Variants in LIFR observed in about 807,000 individuals in gnomAD.
The protein encoded by LIFR is leukemia inhibitory factor receptor.
In LIFR, 84 loss-of-function variants were observed where a neutral mutation model predicts 122.2. That is an observed-to-expected ratio of 0.69 (90% CI 0.58 to 0.82). The LOEUF (loss-of-function observed/expected upper bound fraction) is 0.82, where lower values mean the gene tolerates loss of function less well. LIFR is among the 40% of genes least tolerant of loss of function. The pLI is 0.00. For synonymous variants in LIFR, 422 were observed against 434.7 expected (o/e 0.97, Z 0.36); for missense variants, 1,294 against 1,311.6 (o/e 0.99, Z 0.21).
chr5:38,529,756 T>A (rs1746900472), intron 2 of LIFR, among the ~76,000 whole-genome samples: 1 of 152,174 alleles, frequency 6.6e-6, no homozygotes. Context: ...TGTTTTTGTT[T>A]TTGTACATGG....
At chr5:38,540,801 C>A (rs2112609169) in intron 1 of LIFR, among the ~76,000 whole-genome samples, 1 of 151,854 alleles carries the variant, frequency 6.6e-6, no homozygotes, top group East Asian at 1.9e-4. Flanking sequence ...ACTATGTGGG[C>A]CAAACAAAAT....
Position 38,500,182 on chromosome 5 carries a change from C to T in LIFR, c.1601-599G>A, listed in dbSNP as rs138376126. ...CTGTGTCTTTGTGTTTGTGTGTGTACATACATACATATAGATGTGTATATA... is the reference window on the plus strand; with the variant it reads ...CTGTGTCTTTGTGTTTGTGTGTGTATATACATACATATAGATGTGTATATA... On this transcript the variant is annotated intron_variant, in intron 11 of 19. Coordinates refer to ENST00000453190, the MANE Select transcript of LIFR (RefSeq NM_001127671.2). Among the ~76,000 whole-genome samples the T allele has an allele frequency of 7.1e-4, 108 of 152,192 alleles. 1 individual carries two copies. The East Asian group carries it at 0.02, about 28-fold the overall frequency.
At chr5:38,579,711 C>CA (rs2112736851) in intron 1 of LIFR, 1 of 152,264 alleles carries the variant, frequency 6.6e-6, no homozygotes, top group Admixed American at 6.5e-5. Context: ...CAAAATACTG[C>CA]AACACTTTCT....
At chr5:38,563,879 C>A in intron 1 of LIFR, among the ~76,000 whole-genome samples, 1 of 152,166 alleles carries the variant, frequency 6.6e-6, no homozygotes, top group Admixed American at 6.5e-5. Flanking sequence ...GGCCACTGAA[C>A]CTTCTCCTGC....
At chr5:38,582,047 CT>C (rs1381299232) in intron 1 of LIFR, among the ~76,000 whole-genome samples, 16 of 146,442 alleles carry the variant, frequency 1.1e-4, no homozygotes, top group South Asian at 2.3e-4. Context: ...ATGACCACTT[CT>C]TTTTTTTTCC....
Position 38,479,463 on chromosome 5 carries a change from A to T in LIFR, c.*2132T>A, listed in dbSNP as rs1743875139. ...TAACCAAACAAATGAGTCGTTATAT[A>T]GGTTAGAAAGGGCCCTGGATCCAGA... On this transcript the variant is annotated 3_prime_UTR_variant, in exon 20 of 20. Coordinates refer to ENST00000453190, the MANE Select transcript of LIFR (RefSeq NM_001127671.2). 4.3e-6 allele frequency: 1 copy of T among 230,698 alleles called. No homozygotes were observed. The highest frequency in any genetic ancestry group is 8.6e-6 in the Non-Finnish European group (1 of 116,528). 14.3% of individuals were successfully genotyped at this position (230,698 alleles called of 1,614,324 possible).
chr5:38,593,512 T>G (rs1399013724), intron 1 of LIFR, among the ~76,000 whole-genome samples: 1 of 152,142 alleles, frequency 6.6e-6, no homozygotes, highest in Admixed American at 6.5e-5. Context: ...GTGTAGAATA[T>G]TCTCATCATT....
upstream of LIFR, among the ~76,000 whole-genome samples, chr5:38,598,278 G>A (rs1453163686): frequency 7.9e-5 from 9 of 114,630 alleles, no homozygotes; most frequent in African/African-American, 2.7e-4. Flanking sequence ...AGGGAGTCTC[G>A]CTGTGTCGCC....
At position 38,489,204 on chromosome 5, in the gene LIFR, C is replaced by T. The variant is rs912734748; in HGVS notation, c.2209G>A (p.Ala737Thr). Residue 737 changes from alanine to threonine, a missense_variant, in exon 16 of 20, where the codon GCA becomes ACA. By Grantham distance (58) the Ala-to-Thr change is moderately conservative. Coordinates refer to ENST00000453190, the MANE Select transcript of LIFR (RefSeq NM_001127671.2). Reference sequence around the variant, plus strand: ...TCCCATTTTACTAATATCGAATCTGCAGAAGTATCCTCAACAGTAAAATTT... The same window carrying T: ...TCCCATTTTACTAATATCGAATCTGTAGAAGTATCCTCAACAGTAAAATTT... ...APNFTVEDTS[A>T]DSILVKWEDI... 6.2e-7 allele frequency: 1 copy of T among 1,613,154 alleles called. No homozygotes were observed.
At chr5:38,509,452 C>T (rs1745673826) in intron 7 of LIFR, among the ~76,000 whole-genome samples, 1 of 152,042 alleles carries the variant, frequency 6.6e-6, no homozygotes, top group Admixed American at 6.6e-5. Flanking sequence ...GAGACGAGCA[C>T]CTAAACCCGG....
rs1360162328 is a variant in LIFR at position 38,479,807 on chromosome 5, T to C, written c.*1788A>G. Reference sequence around the variant, plus strand: ...AAGACAAGAGAACACTCTTTAGGGATGGCTCTGATTGGATATATTTTTCAT... The same window carrying C: ...AAGACAAGAGAACACTCTTTAGGGACGGCTCTGATTGGATATATTTTTCAT... On this transcript the variant is annotated 3_prime_UTR_variant, in exon 20 of 20. Transcript: ENST00000453190. The C allele has an allele frequency of 5.2e-5, 12 of 229,998 alleles. No individual in the cohort carries two copies. The highest frequency in any genetic ancestry group is 7.8e-5 in the Non-Finnish European group (9 of 116,098). 14.2% of individuals were successfully genotyped at this position (229,998 alleles called of 1,614,324 possible). A position where few individuals can be genotyped will look rare whatever the true frequency, so the allele number is the denominator to read the frequency against.
rs73077453 is a variant in LIFR, at chr5:38,484,758, A to G, written c.2591+17T>C. 8.2e-4 allele frequency: 1,263 copies of G among 1,535,674 alleles called. 9 individuals carry two copies. In the African/African-American group the frequency reaches 0.015, roughly 19 times the overall value. On this transcript the variant is annotated intron_variant, in intron 18 of 19. Transcript: ENST00000453190. The stretch of plus-strand genomic sequence containing the variant: ...CCTTTAAGAAGAAAACAGCAAGAGT[A>G]AATGCAGAACTATTACCATTCTCGT...
chr5:38,594,680 A>G (rs1322805735), intron 1 of LIFR, among the ~76,000 whole-genome samples: 6 of 152,208 alleles, frequency 3.9e-5, no homozygotes. Context: ...ATTTCTCATA[A>G]AATATTTTCA....
Position 38,510,486 on chromosome 5 carries a change from A to G in LIFR, c.969T>C (p.Phe323=), listed in dbSNP as rs938322951. The change falls in exon 7 of 20, where the codon TTT becomes TTC. Residue 323 remains phenylalanine (F), a synonymous_variant. Coordinates refer to ENST00000453190, the MANE Select transcript of LIFR (RefSeq NM_001127671.2). Reference sequence around the variant, plus strand: ...TACATCCAGCAAAAATAACGGTTCCAAATATGTTATCTTCGGTTGTAAAAA... The same window carrying G: ...TACATCCAGCAAAAATAACGGTTCCGAATATGTTATCTTCGGTTGTAAAAA... ...NVVFTTEDNI[F]GTVIFAGYPP... 6.2e-7 allele frequency: 1 copy of G among 1,613,700 alleles called. No homozygotes were observed.
At chr5:38,519,604 C>T (rs1746293991) in intron 5 of LIFR, among the ~76,000 whole-genome samples, 1 of 152,160 alleles carries the variant, frequency 6.6e-6, no homozygotes, top group Admixed American at 6.5e-5. Context: ...TCTCTTCCTG[C>T]CCCGTCCCAC....
At chr5:38,525,215 C>G (rs1005032092) in intron 4 of LIFR, among the ~76,000 whole-genome samples, 4 of 152,170 alleles carry the variant, frequency 2.6e-5, no homozygotes, top group African/African-American at 9.7e-5. Context: ...GAGCATGTTC[C>G]ATTCTATGAA....
At chr5:38,496,701 C>T (rs1744899346) in intron 12 of LIFR, 106 bp from the exon 13 acceptor site, 3 of 832,670 alleles carry the variant, frequency 3.6e-6, no homozygotes, top group East Asian at 2.6e-5. Context: ...ACAAGGTTGG[C>T]CAGGCGTGGT....
intron 2 of LIFR, among the ~76,000 whole-genome samples, chr5:38,603,464 G>C (rs1325817827): frequency 6.6e-6 from 1 of 152,212 alleles, no homozygotes; most frequent in Non-Finnish European, 1.5e-5. Flanking sequence ...TGTGAGCTCA[G>C]AGAAGTCTTT....
At position 38,528,859 on chromosome 5, in the gene LIFR, C is replaced by T. The variant is rs374238022; in HGVS notation, c.143-19G>A. On this transcript the variant is annotated intron_variant, in intron 2 of 19. Transcript: ENST00000453190. The stretch of plus-strand genomic sequence containing the variant: ...GGAGCCCCTGGAGGAGACACACACA[C>T]ACACACACACACACACACAGACACA... The T allele has an allele frequency of 3.5e-5, 35 of 1,002,264 alleles. No homozygotes were observed. The African/African-American group carries it at 4.5e-4, about 13-fold the overall frequency. The allele number at this position is 1,002,264 out of a possible 1,614,324, so 62.1% of individuals were successfully genotyped here.
Sources: gnomAD v4.1 joint callset for allele counts (sites outside exome capture counted in the v4.1 genomes callset) on GRCh38, gnomAD v4.1.1 for gene constraint, MANE v1.5 for transcripts, NCBI Gene and HGNC (gene_info 2026-07-23, HGNC 2026-07-21) for gene names.